Variants in FSHR observed in about 807,000 individuals in gnomAD.
The protein encoded by FSHR is follicle-stimulating hormone receptor.
FSHR carries 46 observed loss-of-function variants against 52.1 expected under a neutral mutation model. The ratio of observed to expected loss-of-function variants is 0.88; its 90% CI spans 0.70 to 1.13. FSHR has a LOEUF of 1.13. Among genes scored for constraint, FSHR ranks in the 50% most tolerant of loss-of-function variants. FSHR has a pLI of 0.00. For missense variants in FSHR, 964 were observed against 834.6 expected, an observed-to-expected ratio of 1.16 and a Z score of -1.91; for synonymous variants, 399 against 309.6, an observed-to-expected ratio of 1.29 and a Z score of -3.03.
chr2:48,963,348 C>T lies in FSHR; in HGVS notation c.1473G>A (p.Val491=), dbSNP rs1301220235. 1 of 1,614,052 alleles carries T rather than the reference C, an allele frequency of 6.2e-7. No homozygotes were observed. The highest frequency in any genetic ancestry group is 1.1e-5 in the South Asian group (1 of 91,058). ...CTGCAAAAGCAAAAATCCAGCCCAT[C>T]ACCATGACACTGGCAGCATGGCGGA... The part of the protein sequence containing the change: ...VQLRHAASVM[V]MGWIFAFAAA... Residue 491 remains valine, a synonymous_variant, in exon 10 of 10, where the codon GTG becomes GTA. Coordinates refer to ENST00000406846, the MANE Select transcript of FSHR (RefSeq NM_000145.4).
intron 4 of FSHR, 88 bp from the exon 5 acceptor site, chr2:48,990,725 C>T (rs1675732748): frequency 1.2e-6 from 1 of 840,134 alleles, no homozygotes; most frequent in African/African-American, 1.7e-5. Context: ...ATAAAAATAT[C>T]AATTTTGAAC....
At chr2:49,070,587 A>G (rs886999875) in intron 1 of FSHR, among the ~76,000 whole-genome samples, 1 of 152,190 alleles carries the variant, frequency 6.6e-6, no homozygotes. Flanking sequence ...AACGAGATGC[A>G]TGGAGAGTGA....
intron 1 of FSHR, among the ~76,000 whole-genome samples, chr2:49,087,347 A>G (rs35358971): frequency 0.52 from 79,505 of 151,616 alleles, 21,381 homozygotes; most frequent in East Asian, 0.78. Context: ...ATGGAAGGGA[A>G]ACAAGAAAGC....
intron 8 of FSHR, 35 bp from the exon 9 acceptor site, chr2:48,968,918 T>TGAGGGGAGGAGCCAAGATGGCCGA: frequency 1.3e-6 from 2 of 1,595,534 alleles, no homozygotes; most frequent in Non-Finnish European, 1.7e-6. Context: ...ACAGGATTAC[T>TGAGGGGAGGAGCCAAGATGGCCGA]ATGGACCTAA....
intron 2 of FSHR, among the ~76,000 whole-genome samples, chr2:49,064,459 C>G (rs115264095): frequency 3.7e-3 from 570 of 152,174 alleles, no homozygotes; most frequent in Non-Finnish European, 6.1e-3. Flanking sequence ...CCCCTTTTGC[C>G]CTTCCACCTT....
At position 49,139,426 on chromosome 2, in the gene FSHR, A is replaced by T. The variant is rs79433041; in HGVS notation, c.152+14840T>A. 4.1e-4 allele frequency among the ~76,000 whole-genome samples: 62 copies of T among 152,216 alleles called. No individual in the cohort carries two copies. The East Asian group carries it at 0.011, about 28-fold the overall frequency. On this transcript the variant is annotated intron_variant, in intron 1 of 9. Coordinates refer to ENST00000406846, the MANE Select transcript of FSHR (RefSeq NM_000145.4). ...AGCCTTTATTATGTATATGCATGTG[A>T]ATCTCTAGAATGAGGGTATAGCACG...
At chr2:49,079,475 T>A (rs369672242) in intron 1 of FSHR, among the ~76,000 whole-genome samples, 9 of 152,118 alleles carry the variant, frequency 5.9e-5, no homozygotes, top group African/African-American at 1.7e-4. Flanking sequence ...TTGAGGGGAT[T>A]GGCATACCAG....
At chr2:48,992,027 C>CT (rs1675805887) in intron 4 of FSHR, among the ~76,000 whole-genome samples, 1 of 151,038 alleles carries the variant, frequency 6.6e-6, no homozygotes, top group Non-Finnish European at 1.5e-5. Flanking sequence ...ATTTTTTTTT[C>CT]TTTTTTTCCT....
intron 2 of FSHR, among the ~76,000 whole-genome samples, chr2:49,042,294 C>T (rs533559188): frequency 4.6e-4 from 70 of 152,212 alleles, no homozygotes; most frequent in African/African-American, 1.5e-3. Context: ...TCTGCCACCC[C>T]AATCATTAAG....
At chr2:48,973,671 G>A (rs1260755141) in intron 8 of FSHR, among the ~76,000 whole-genome samples, 7 of 152,202 alleles carry the variant, frequency 4.6e-5, no homozygotes, top group Admixed American at 1.3e-4. Context: ...CTCCTTGAAG[G>A]TATAAGGCTC....
intron 4 of FSHR, among the ~76,000 whole-genome samples, chr2:48,995,961 T>C (rs1336921107): frequency 1.3e-5 from 2 of 152,120 alleles, no homozygotes; most frequent in Non-Finnish European, 2.9e-5. Flanking sequence ...ACAGAGTTCA[T>C]GCTATGGCTT....
intron 1 of FSHR, among the ~76,000 whole-genome samples, chr2:49,149,132 C>G (rs941094827): frequency 1.3e-5 from 2 of 151,816 alleles, no homozygotes; most frequent in Non-Finnish European, 2.9e-5. Context: ...GATGGGTAAC[C>G]AGAAAAGTTT....
chr2:49,140,857 G>T (rs1434802530), intron 1 of FSHR, among the ~76,000 whole-genome samples: 1 of 152,114 alleles, frequency 6.6e-6, no homozygotes. Flanking sequence ...AATTCAGTGA[G>T]GAGCATTTAG....
intron 6 of FSHR, 30 bp downstream of exon 6, chr2:48,988,947 A>C (rs1180450722): frequency 6.4e-7 from 1 of 1,563,860 alleles, no homozygotes; most frequent in South Asian, 1.1e-5. Context: ...ATCAAATGTT[A>C]CTCTGTTGGA....
chr2:49,098,215 C>G (rs2134812), intron 1 of FSHR, among the ~76,000 whole-genome samples: 21,704 of 152,032 alleles, frequency 0.14, 1,596 homozygotes, highest in East Asian at 0.24. Flanking sequence ...CTAAATCTGG[C>G]AAGTACTAAA....
At chr2:48,985,640 T>G (rs1675467338) in intron 6 of FSHR, among the ~76,000 whole-genome samples, 1 of 151,884 alleles carries the variant, frequency 6.6e-6, no homozygotes, top group African/African-American at 2.4e-5. Context: ...TACATTTACT[T>G]TTAGAACAGG....
chr2:49,133,576 T>A (rs1003245722), intron 1 of FSHR, among the ~76,000 whole-genome samples: 3 of 152,124 alleles, frequency 2.0e-5, no homozygotes, highest in East Asian at 3.8e-4. Flanking sequence ...TACTTTAAAG[T>A]TCATATGGAA....
chr2:49,029,078 A>G (rs1331666583), intron 2 of FSHR, among the ~76,000 whole-genome samples: 1 of 152,214 alleles, frequency 6.6e-6, no homozygotes, highest in African/African-American at 2.4e-5. Flanking sequence ...TGTTAAGTAC[A>G]TTTTTATTGA....
intron 1 of FSHR, among the ~76,000 whole-genome samples, chr2:49,094,361 T>A (rs1670739360): frequency 1.3e-5 from 2 of 152,328 alleles, no homozygotes; most frequent in South Asian, 4.1e-4. Context: ...ATTTAAATAA[T>A]TTAAGAGGGG....
Sources: gnomAD v4.1 joint callset for allele counts (sites outside exome capture counted in the v4.1 genomes callset) on GRCh38, gnomAD v4.1.1 for gene constraint, MANE v1.5 for transcripts, NCBI Gene and HGNC (gene_info 2026-07-23, HGNC 2026-07-21) for gene names.